Variants in BFSP2 observed in about 807,000 individuals in gnomAD.
BFSP2 encodes the protein beaded filament structural protein 2, also known as phakinin.
Under a neutral mutation model 44.9 loss-of-function variants are expected in BFSP2, and 38 were observed. That is an observed-to-expected ratio of 0.85 (90% confidence interval 0.65 to 1.11). The LOEUF (loss-of-function observed/expected upper bound fraction) is 1.11, where lower values mean the gene tolerates loss of function less well. Among genes scored for constraint, BFSP2 ranks in the 50% least tolerant of loss-of-function variants. BFSP2 has a pLI of 0.00. For missense variants in BFSP2, 525 were observed against 533.0 expected, an observed-to-expected ratio of 0.99 and a Z score of 0.15; for synonymous variants, 197 against 209.9, an observed-to-expected ratio of 0.94 and a Z score of 0.53.
intron 1 of BFSP2, among the ~76,000 whole-genome samples, chr3:133,413,715 A>T (rs1335573933): frequency 6.6e-6 from 1 of 151,946 alleles, no homozygotes; most frequent in Non-Finnish European, 1.5e-5. Flanking sequence ...CAGAAACGAG[A>T]AGTGATTTCA....
intron 4 of BFSP2, among the ~76,000 whole-genome samples, chr3:133,453,567 T>C (rs570695300): frequency 1.3e-5 from 2 of 152,248 alleles, no homozygotes; most frequent in East Asian, 3.9e-4. Context: ...GACTGACGTG[T>C]AAACCAAGAA....
chr3:133,443,857 T>C (rs1211206887), intron 1 of BFSP2, among the ~76,000 whole-genome samples: 1 of 152,156 alleles, frequency 6.6e-6, no homozygotes, highest in Non-Finnish European at 1.5e-5. Context: ...AAACAAACCA[T>C]TCATTGTACC....
At chr3:133,419,338 TAAAG>T (rs1294379937) in intron 1 of BFSP2, among the ~76,000 whole-genome samples, 2 of 152,192 alleles carry the variant, frequency 1.3e-5, no homozygotes, top group African/African-American at 4.8e-5. Context: ...ATTTTACAGA[TAAAG>T]AAACTGAGGC....
At chr3:133,409,870 C>T (rs2073434136) in intron 1 of BFSP2, 1 of 153,516 alleles carries the variant, frequency 6.5e-6, no homozygotes, top group Non-Finnish European at 1.4e-5. Context: ...GAATCTAAAG[C>T]AACAGCAAAG....
At chr3:133,431,707 C>G (rs1576574631) in intron 1 of BFSP2, among the ~76,000 whole-genome samples, 1 of 152,168 alleles carries the variant, frequency 6.6e-6, no homozygotes, top group African/African-American at 2.4e-5. Flanking sequence ...ACGAGGCTAC[C>G]CACTCCACAT....
chr3:133,426,000 CAGGGAAAGGAAGGGAAGGGAAGGGA>C (rs2073650237), intron 1 of BFSP2, among the ~76,000 whole-genome samples: 1 of 1,592 alleles, frequency 6.3e-4, no homozygotes, highest in African/African-American at 4.5e-3. Context: ...CAGGGCAGGG[CAGGGAAAGGAAGGGAAGGGAAGGGA>C]AGGGAAGGGA....
At chr3:133,446,016 G>A (rs1005022034) in intron 1 of BFSP2, among the ~76,000 whole-genome samples, 6 of 152,158 alleles carry the variant, frequency 3.9e-5, no homozygotes, top group Admixed American at 6.6e-5. Context: ...CACCAGAGGT[G>A]AGAGACAGGA....
chr3:133,427,232 T>A (rs929626078), intron 1 of BFSP2, among the ~76,000 whole-genome samples: 1 of 152,256 alleles, frequency 6.6e-6, no homozygotes, highest in Admixed American at 6.5e-5. Flanking sequence ...AATTGCAATG[T>A]TCTCCTTAGA....
chr3:133,444,115 C>CAT (rs577035123), intron 1 of BFSP2, among the ~76,000 whole-genome samples: 175 of 150,978 alleles, frequency 1.2e-3, no homozygotes, highest in African/African-American at 3.5e-3. Context: ...TATATATATA[C>CAT]ATATATATAT....
At chr3:133,450,232 T>C in intron 3 of BFSP2, 71 bp from the exon 4 acceptor site, 2 of 1,567,418 alleles carry the variant, frequency 1.3e-6, no homozygotes, top group Non-Finnish European at 1.8e-6. Flanking sequence ...GAGCTGGTTT[T>C]CTGCTGGCTA....
chr3:133,408,536 T>G (rs1204014386), intron 1 of BFSP2, among the ~76,000 whole-genome samples: 1 of 152,248 alleles, frequency 6.6e-6, no homozygotes, highest in Non-Finnish European at 1.5e-5. Flanking sequence ...AATGACACAC[T>G]GGCAAAAATA....
At chr3:133,430,697 C>G (rs184524927) in intron 1 of BFSP2, among the ~76,000 whole-genome samples, 76 of 152,202 alleles carry the variant, frequency 5.0e-4, no homozygotes, top group Non-Finnish European at 8.5e-4. Flanking sequence ...CCCAATGCAA[C>G]TCATCCCAAA....
At chr3:133,426,088 C>T (rs904306808) in intron 1 of BFSP2, among the ~76,000 whole-genome samples, 2 of 144,070 alleles carry the variant, frequency 1.4e-5, no homozygotes, top group Non-Finnish European at 3.1e-5. Flanking sequence ...GTCACAGCAT[C>T]TGGGTCCGGC....
chr3:133,401,221 A>G (rs947518045), intron 1 of BFSP2, among the ~76,000 whole-genome samples: 1 of 152,224 alleles, frequency 6.6e-6, no homozygotes, highest in African/African-American at 2.4e-5. Context: ...TGTTATTTCA[A>G]CATGTAATCA....
chr3:133,428,208 T>G (rs2073671816), intron 1 of BFSP2, among the ~76,000 whole-genome samples: 1 of 152,098 alleles, frequency 6.6e-6, no homozygotes, highest in Non-Finnish European at 1.5e-5. Context: ...AGCCCAAGCC[T>G]AGGGTTCTCT....
intron 1 of BFSP2, among the ~76,000 whole-genome samples, chr3:133,443,156 G>A (rs971965466): frequency 1.3e-5 from 2 of 152,092 alleles, no homozygotes; most frequent in African/African-American, 4.8e-5. Context: ...CACCGCACCC[G>A]GCCAAAATTA....
intron 6 of BFSP2, 123 bp downstream of exon 6, chr3:133,472,688 C>A: frequency 9.0e-7 from 1 of 1,112,804 alleles, no homozygotes; most frequent in Non-Finnish European, 1.3e-6. Context: ...CTCACATAGG[C>A]ACCCATTCCC....
At chr3:133,447,489 C>T in intron 2 of BFSP2, 90 bp downstream of exon 2, 1 of 1,301,860 alleles carries the variant, frequency 7.7e-7, no homozygotes, top group Admixed American at 2.0e-5. Context: ...CTGCATCATC[C>T]ACCTTCTACC....
intron 1 of BFSP2, chr3:133,429,192 C>G (rs890366852): frequency 2.0e-5 from 3 of 151,454 alleles, no homozygotes; most frequent in African/African-American, 7.3e-5. Context: ...TAAAACCTTT[C>G]CTAGGACTAT....
Sources: gnomAD v4.1 joint callset for allele counts (sites outside exome capture counted in the v4.1 genomes callset) on GRCh38, gnomAD v4.1.1 for gene constraint, MANE v1.5 for transcripts, NCBI Gene and HGNC (gene_info 2026-07-23, HGNC 2026-07-21) for gene names.